The following CELA2B variants were observed in gnomAD, a reference collection of about 807,000 sequenced individuals.
CELA2B encodes chymotrypsin-like elastase family member 2B.
A neutral mutation model predicts 36.5 loss-of-function variants in CELA2B; 27 were observed. The observed-to-expected ratio is 0.74, with a 90% CI of 0.55 to 1.02. CELA2B has a LOEUF of 1.02. Among genes scored for constraint, CELA2B ranks in the 50% least tolerant of loss-of-function variants. CELA2B has a pLI of 0.00. For synonymous variants in CELA2B, 143 were observed against 148.5 expected (o/e 0.96, Z 0.27); for missense variants, 340 against 347.8 (o/e 0.98, Z 0.18).
At chr1:15,487,843 C>T (rs1451895158) in intron 7 of CELA2B, among the ~76,000 whole-genome samples, 5 of 152,054 alleles carry the variant, frequency 3.3e-5, no homozygotes, top group African/African-American at 1.2e-4. Context: ...GGAAATTAGT[C>T]CCCCTCAAGG....
At chr1:15,480,621 A>G (rs919385143) in intron 2 of CELA2B, among the ~76,000 whole-genome samples, 4 of 152,158 alleles carry the variant, frequency 2.6e-5, no homozygotes, top group African/African-American at 7.2e-5. Context: ...TTATAAAACC[A>G]TCAGATATCA....
chr1:15,485,640 C>G (rs1446672442), intron 5 of CELA2B, among the ~76,000 whole-genome samples: 1 of 152,180 alleles, frequency 6.6e-6, no homozygotes, highest in Admixed American at 6.5e-5. Flanking sequence ...CCTCTGGAAC[C>G]GGAATCTCTT....
chr1:15,489,085 A>G (rs1163581675), intron 7 of CELA2B, among the ~76,000 whole-genome samples: 1 of 152,222 alleles, frequency 6.6e-6, no homozygotes, highest in Non-Finnish European at 1.5e-5. Context: ...TGACTGGACG[A>G]AAGGCTGCTT....
At position 15,487,303 on chromosome 1, in the gene CELA2B, C is replaced by T. The variant is rs754277529; in HGVS notation, c.658C>T (p.Leu220=). Residue 220 remains leucine (L), a synonymous_variant, in exon 7 of 8, where the codon CTG becomes TTG. Transcript: ENST00000375910. ...CTCNGDSGGP[L]NCQASDGRWE... ...TCCTCAGGGAGACTCCGGTGGGCCGCTGAACTGTCAGGCATCTGACGGCCG... is the reference window on the plus strand; with the variant it reads ...TCCTCAGGGAGACTCCGGTGGGCCGTTGAACTGTCAGGCATCTGACGGCCG... The T allele has an allele frequency of 3.7e-6, 6 of 1,614,250 alleles. No individual in the cohort carries two copies. In the South Asian group the frequency reaches 6.6e-5, roughly 18 times the overall value.
chr1:15,477,000 C>T (rs1484750970), intron 2 of CELA2B, among the ~76,000 whole-genome samples: 2 of 152,102 alleles, frequency 1.3e-5, no homozygotes, highest in African/African-American at 2.4e-5. Context: ...GAAAAAGATA[C>T]ATTTCTGTGG....
chr1:15,491,209 G>C (rs371434916), intron 7 of CELA2B, 86 bp from the exon 8 acceptor site: 138 of 1,538,856 alleles, frequency 9.0e-5, no homozygotes, highest in Non-Finnish European at 1.1e-4. Context: ...GAGTAGCTTA[G>C]CCCAGGAGGA....
rs189080505 is a variant in CELA2B, at chr1:15,476,280, A to G, written c.40+115A>G. On this transcript the variant is annotated intron_variant, in intron 1 of 7. Transcript: ENST00000375910. ...AACCCCTACTGCATTCAGACCTATA[A>G]TCATAAGAAAACCGAAATGGAGTTT... The G allele has an allele frequency of 4.6e-5, 68 of 1,484,984 alleles. No individual in the cohort carries two copies. The African/African-American group carries it at 7.4e-4, about 16-fold the overall frequency. 92.0% of individuals were successfully genotyped at this position (1,484,984 alleles called of 1,614,324 possible). A position where few individuals can be genotyped will look rare whatever the true frequency, so the allele number is the denominator to read the frequency against.
chr1:15,482,007 A>C (rs1432938806), intron 3 of CELA2B, among the ~76,000 whole-genome samples: 2 of 139,342 alleles, frequency 1.4e-5, no homozygotes, highest in Non-Finnish European at 3.1e-5. Flanking sequence ...CCTCCATAAT[A>C]CTATAGAGTT....
intron 7 of CELA2B, among the ~76,000 whole-genome samples, chr1:15,490,006 T>C (rs1212308620): frequency 2.0e-5 from 3 of 152,162 alleles, no homozygotes; most frequent in Non-Finnish European, 4.4e-5. Context: ...CCTAACTAGC[T>C]GGGATTACAG....
At chr1:15,479,969 TCAGA>T (rs1251849554) in intron 2 of CELA2B, among the ~76,000 whole-genome samples, 11 of 152,016 alleles carry the variant, frequency 7.2e-5, no homozygotes, top group Non-Finnish European at 1.2e-4. Flanking sequence ...TAGCAGGTCA[TCAGA>T]CAGTTTTAAG....
At chr1:15,482,135 C>G in intron 3 of CELA2B, 130 bp from the exon 4 acceptor site, 2 of 1,076,036 alleles carry the variant, frequency 1.9e-6, no homozygotes, top group Non-Finnish European at 2.7e-6. Flanking sequence ...ACTGACTGTC[C>G]CAGGGGAGGA....
intron 7 of CELA2B, 142 bp from the exon 8 acceptor site, chr1:15,491,153 T>C: frequency 1.2e-6 from 1 of 862,706 alleles, no homozygotes; most frequent in Admixed American, 1.9e-5. Flanking sequence ...TCATCTGAAC[T>C]CCTCAGGCAG....
In CELA2B at chr1:15,476,471, G is replaced by T. The variant is rs745515344; in HGVS notation, c.55G>T (p.Val19Phe). Residue 19 changes from valine (V) to phenylalanine (F), a missense_variant, in exon 2 of 8, where the codon GTC becomes TTC. Coordinates refer to ENST00000375910, the MANE Select transcript of CELA2B (RefSeq NM_015849.3). ...TCTTTTCACAGCCCTCAGTTGTGGG[G>T]TCTCCACTTACGCGCCTGATATGTC... ...TLVAGALSCG[V>F]STYAPDMSRM... 1.2e-6 allele frequency: 2 copies of T among 1,614,122 alleles called. No homozygotes were observed. Among genetic ancestry groups the T allele is most frequent in the East Asian group, 2.2e-5 (1 of 44,884 alleles).
chr1:15,482,029 A>G (rs1201042253), intron 3 of CELA2B, among the ~76,000 whole-genome samples: 1 of 152,190 alleles, frequency 6.6e-6, no homozygotes, highest in South Asian at 2.1e-4. Flanking sequence ...GTGCTATTAC[A>G]ACATTAATTT....
intron 5 of CELA2B, among the ~76,000 whole-genome samples, 183 bp downstream of exon 5, chr1:15,483,583 C>T (rs1366199368): frequency 6.6e-6 from 1 of 152,228 alleles, no homozygotes; most frequent in Admixed American, 6.5e-5. Context: ...GACTGTGACA[C>T]CTTGGACACA....
chr1:15,481,880 C>T (rs1187424755), intron 3 of CELA2B: 8 of 394,728 alleles, frequency 2.0e-5, no homozygotes, highest in Non-Finnish European at 3.6e-5. Flanking sequence ...TTCTCACTAA[C>T]GGTGGGACTC....
intron 2 of CELA2B, 132 bp from the exon 3 acceptor site, chr1:15,480,966 C>T (rs1166359415): frequency 2.4e-5 from 20 of 839,952 alleles, no homozygotes; most frequent in East Asian, 7.4e-5. Context: ...TTTTGGGTGC[C>T]CCCTTAAGTT....
At chr1:15,484,724 C>T (rs867715829) in intron 5 of CELA2B, among the ~76,000 whole-genome samples, 6 of 152,264 alleles carry the variant, frequency 3.9e-5, no homozygotes, top group South Asian at 2.1e-4. Context: ...CCAGCTCTGT[C>T]GGTCACGGTG....
intron 2 of CELA2B, among the ~76,000 whole-genome samples, chr1:15,477,644 G>C (rs193165490): frequency 6.6e-6 from 1 of 151,954 alleles, no homozygotes; most frequent in African/African-American, 2.4e-5. Flanking sequence ...TCTGAGTTAC[G>C]AGCCCATCCC....
Sources: allele counts gnomAD v4.1 joint callset (sites outside exome capture counted in the v4.1 genomes callset), GRCh38; gene constraint gnomAD v4.1.1; transcripts MANE v1.5; gene names NCBI Gene and HGNC (gene_info 2026-07-23, HGNC 2026-07-21).